The following PVT1 variants were observed in gnomAD, a reference collection of about 807,000 sequenced individuals.
The protein encoded by PVT1 is Pvt1 oncogene.
chr8:128,029,544 G>C (rs1813363735), intron 4 of PVT1, among the ~76,000 whole-genome samples: 1 of 152,062 alleles, frequency 6.6e-6, no homozygotes, highest in South Asian at 2.1e-4. Flanking sequence ...GCTCACGCCT[G>C]TAATCCCAGC....
intron 5 of PVT1, among the ~76,000 whole-genome samples, chr8:128,087,371 G>T (rs1352850623): frequency 6.6e-6 from 1 of 152,100 alleles, no homozygotes; most frequent in East Asian, 1.9e-4. Context: ...TTGTGCCTAG[G>T]TGACATTATC....
intron 5 of PVT1, among the ~76,000 whole-genome samples, chr8:128,085,491 C>CTT (rs11306153): frequency 2.7e-5 from 4 of 150,864 alleles, no homozygotes; most frequent in African/African-American, 9.8e-5. Flanking sequence ...TGAGAAAAAC[C>CTT]TTTTTTTTTT....
chr8:128,016,295 C>T (rs1212031585), intron 4 of PVT1, among the ~76,000 whole-genome samples: 1 of 147,578 alleles, frequency 6.8e-6, no homozygotes. Flanking sequence ...AAAAAGGGGG[C>T]GAGGATGGTA....
chr8:127,855,647 C>G (rs1173058191), intron 2 of PVT1, among the ~76,000 whole-genome samples: 1 of 152,216 alleles, frequency 6.6e-6, no homozygotes, highest in African/African-American at 2.4e-5. Flanking sequence ...GCACCTTTCC[C>G]GGTGAACTCC....
At chr8:127,987,890 T>A (rs1217649367) in intron 3 of PVT1, among the ~76,000 whole-genome samples, 1 of 152,234 alleles carries the variant, frequency 6.6e-6, no homozygotes, top group African/African-American at 2.4e-5. Context: ...GAGGACAGCA[T>A]CTTTCTGCGT....
chr8:128,079,871 C>T (rs1814152382), intron 5 of PVT1, among the ~76,000 whole-genome samples: 1 of 152,056 alleles, frequency 6.6e-6, no homozygotes. Context: ...ACTATAGGCA[C>T]CCGCCACCAT....
intron 3 of PVT1, among the ~76,000 whole-genome samples, chr8:127,951,469 G>A (rs1343430695): frequency 1.3e-5 from 2 of 152,208 alleles, no homozygotes; most frequent in Non-Finnish European, 2.9e-5. Flanking sequence ...AAGGAAGACA[G>A]CGTCACAGCA....
At chr8:127,915,206 T>C (rs968848698) in intron 3 of PVT1, among the ~76,000 whole-genome samples, 2 of 152,174 alleles carry the variant, frequency 1.3e-5, no homozygotes, top group Admixed American at 6.5e-5. Flanking sequence ...ATTGTGAATG[T>C]ACTAGACAAA....
intron 2 of PVT1, among the ~76,000 whole-genome samples, chr8:127,829,782 A>C (rs761601808): frequency 2.0e-5 from 3 of 152,230 alleles, no homozygotes; most frequent in Non-Finnish European, 4.4e-5. Context: ...TCACATTACA[A>C]ATTAGCAATG....
chr8:127,815,934 G>A (rs552823890), intron 2 of PVT1, among the ~76,000 whole-genome samples: 1 of 152,232 alleles, frequency 6.6e-6, no homozygotes, highest in East Asian at 1.9e-4. Flanking sequence ...GACCAGCCTG[G>A]CCAACATAGT....
At chr8:127,865,886 GC>G (rs1427724405) in intron 2 of PVT1, among the ~76,000 whole-genome samples, 1 of 152,188 alleles carries the variant, frequency 6.6e-6, no homozygotes, top group Non-Finnish European at 1.5e-5. Context: ...TGTGGCACCG[GC>G]AGGCAAACCC....
At chr8:127,963,246 C>T (rs1443696984) in intron 3 of PVT1, among the ~76,000 whole-genome samples, 4 of 152,228 alleles carry the variant, frequency 2.6e-5, no homozygotes, top group Admixed American at 6.5e-5. Context: ...AGGCTCGCAT[C>T]GGCCACTTGC....
chr8:128,018,989 G>A (rs1817404308), intron 4 of PVT1, among the ~76,000 whole-genome samples: 1 of 152,240 alleles, frequency 6.6e-6, no homozygotes, highest in African/African-American at 2.4e-5. Flanking sequence ...CTGGGGAGGT[G>A]TGTCCAGCTT....
At chr8:128,008,688 T>C (rs1817275721) in intron 4 of PVT1, among the ~76,000 whole-genome samples, 1 of 152,232 alleles carries the variant, frequency 6.6e-6, no homozygotes, top group Admixed American at 6.5e-5. Flanking sequence ...ATAATGGTGG[T>C]GATGATAATA....
chr8:127,827,554 G>T (rs1459931431), intron 2 of PVT1, among the ~76,000 whole-genome samples: 1 of 152,068 alleles, frequency 6.6e-6, no homozygotes, highest in East Asian at 1.9e-4. Context: ...AGCACAGAAG[G>T]GAGAATCTGT....
chr8:128,001,905 G>A (rs1267356469), intron 4 of PVT1, among the ~76,000 whole-genome samples: 10 of 152,008 alleles, frequency 6.6e-5, no homozygotes, highest in Non-Finnish European at 1.2e-4. Context: ...CTCAACACTC[G>A]TGACTGGATC....
At chr8:127,978,523 C>G (rs1816847837) in intron 3 of PVT1, among the ~76,000 whole-genome samples, 2 of 151,874 alleles carry the variant, frequency 1.3e-5, no homozygotes, top group Admixed American at 6.6e-5. Flanking sequence ...CTCTGTTGCC[C>G]AGGCTGGAGT....
intron 2 of PVT1, among the ~76,000 whole-genome samples, chr8:127,819,931 A>T (rs1814711080): frequency 6.6e-6 from 1 of 152,200 alleles, no homozygotes; most frequent in Non-Finnish European, 1.5e-5. Flanking sequence ...CTCATCTGGC[A>T]GCTTCAAGGA....
chr8:127,902,449 A>G (rs981709430), intron 3 of PVT1, among the ~76,000 whole-genome samples: 1 of 103,972 alleles, frequency 9.6e-6, no homozygotes, highest in Non-Finnish European at 2.1e-5. Context: ...TTCACTTTTT[A>G]TTTTAGAATC....
Sources: allele counts gnomAD v4.1 joint callset (sites outside exome capture counted in the v4.1 genomes callset), GRCh38; gene constraint gnomAD v4.1.1; transcripts MANE v1.5; gene names NCBI Gene and HGNC (gene_info 2026-07-23, HGNC 2026-07-21).